Variants in STK35 observed in about 807,000 individuals in gnomAD.
STK35 encodes serine/threonine kinase 35, also known as serine/threonine-protein kinase 35.
In STK35, 17 loss-of-function variants were observed where a neutral mutation model predicts 37.3. The observed-to-expected ratio is 0.46, with a 90% confidence interval of 0.31 to 0.68. STK35 has a LOEUF of 0.68. STK35 is among the 30% of genes least tolerant of loss of function. The probability of loss-of-function intolerance (pLI) is 0.05; values close to 1 mark genes in which losing one functional copy is unlikely to be tolerated. For missense variants in STK35, 595 were observed against 746.7 expected (o/e 0.80, Z 2.37); for synonymous variants, 385 against 319.1 (o/e 1.21, Z -2.20).
rs1045978389 is a variant in STK35 at position 2,147,408 on chromosome 20, G to A, written c.*3662G>A. 6.6e-6 allele frequency: 1 copy of A among 152,648 alleles called. No individual in the cohort carries two copies. The allele number at this position is 152,648 out of a possible 1,614,324, so 9.5% of individuals were successfully genotyped here. A position where few individuals can be genotyped will look rare whatever the true frequency, so the allele number is the denominator to read the frequency against. On this transcript the variant is annotated 3_prime_UTR_variant, in exon 4 of 4. Transcript: ENST00000381482. ...GAATCTTTTTCTAAGAGAAGGAAAA[G>A]AGCTGGCATTGTGGGAATTTTCTTT...
chr20:2,127,362 C>G (rs1985924307), intron 3 of STK35, among the ~76,000 whole-genome samples: 1 of 151,704 alleles, frequency 6.6e-6, no homozygotes, highest in South Asian at 2.1e-4. Context: ...ATAGTGTTGT[C>G]AGATCTTGGC....
chr20:2,143,146 G>A (rs1236952423), intron 3 of STK35, among the ~76,000 whole-genome samples: 2 of 152,146 alleles, frequency 1.3e-5, no homozygotes, highest in Admixed American at 6.5e-5. Flanking sequence ...TCAGTTGCCC[G>A]TTCTGGCTCC....
chr20:2,106,399 G>A (rs1226846845), intron 2 of STK35, among the ~76,000 whole-genome samples: 1 of 152,172 alleles, frequency 6.6e-6, no homozygotes, highest in Non-Finnish European at 1.5e-5. Context: ...TAAACCTAAT[G>A]CTGAGTCCCT....
intron 3 of STK35, among the ~76,000 whole-genome samples, chr20:2,143,032 C>T (rs1229228562): frequency 3.9e-5 from 6 of 152,204 alleles, no homozygotes; most frequent in Non-Finnish European, 7.3e-5. Flanking sequence ...CTTGGTTTTA[C>T]GTTCATTTAA....
In STK35 at chr20:2,101,919, C is replaced by A. The variant is rs1474295447; in HGVS notation, c.38C>A (p.Ala13Glu). Reference protein sequence around the residue: ...HQESPLARAPAGGAAYVKRLC... With the variant: ...HQESPLARAPEGGAAYVKRLC... ...GAGTCTCCGCTGGCCCGGGCGCCGG[C>A]GGGAGGTGCAGCTTATGTAAAGAGG... Residue 13 changes from alanine (A) to glutamate (E), a missense_variant, in exon 1 of 4, where the codon GCG becomes GAG. Ala to Glu is a moderately radical substitution (Grantham distance 107). Coordinates refer to ENST00000381482, the MANE Select transcript of STK35 (RefSeq NM_080836.4). 1.4e-6 allele frequency: 2 copies of A among 1,465,144 alleles called. No individual in the cohort carries two copies. Among genetic ancestry groups the A allele is most frequent in the African/African-American group, 1.5e-5 (1 of 68,660 alleles). 90.8% of individuals were successfully genotyped at this position (1,465,144 alleles called of 1,614,324 possible).
chr20:2,114,287 A>G (rs769418087), intron 2 of STK35, among the ~76,000 whole-genome samples: 23 of 152,004 alleles, frequency 1.5e-4, no homozygotes, highest in Non-Finnish European at 2.8e-4. Flanking sequence ...AGCTGGGACT[A>G]TTGAGGCCAC....
At chr20:2,127,715 A>G (rs901673622) in intron 3 of STK35, among the ~76,000 whole-genome samples, 10 of 152,120 alleles carry the variant, frequency 6.6e-5, no homozygotes, top group Non-Finnish European at 1.3e-4. Flanking sequence ...AAAAGCCTTC[A>G]GAGAGCACAT....
intron 3 of STK35, among the ~76,000 whole-genome samples, chr20:2,121,778 T>A (rs1236179275): frequency 6.6e-6 from 1 of 152,160 alleles, no homozygotes; most frequent in African/African-American, 2.4e-5. Flanking sequence ...TGGCATCATC[T>A]GCTAGTTGAT....
chr20:2,123,065 C>G (rs554111324), intron 3 of STK35, among the ~76,000 whole-genome samples: 1 of 152,302 alleles, frequency 6.6e-6, no homozygotes, highest in East Asian at 1.9e-4. Context: ...TGCCTCCGCC[C>G]ACGTGTTACC....
At chr20:2,110,942 A>T (rs1209096673) in intron 2 of STK35, among the ~76,000 whole-genome samples, 3 of 152,204 alleles carry the variant, frequency 2.0e-5, no homozygotes, top group African/African-American at 7.2e-5. Flanking sequence ...AAGTTACTTA[A>T]TCTTTTGCTC....
intron 3 of STK35, among the ~76,000 whole-genome samples, chr20:2,132,200 T>C (rs1304206128): frequency 6.6e-6 from 1 of 152,212 alleles, no homozygotes; most frequent in East Asian, 1.9e-4. Context: ...AGAGTTCATC[T>C]GAGCAAATCC....
intron 2 of STK35, among the ~76,000 whole-genome samples, chr20:2,108,816 G>A (rs1053418790): frequency 2.8e-4 from 43 of 152,144 alleles, no homozygotes; most frequent in African/African-American, 8.2e-4. Context: ...ATAAACTCTC[G>A]AGGGGTGCTT....
At chr20:2,110,440 T>G (rs1179172581) in intron 2 of STK35, among the ~76,000 whole-genome samples, 1 of 152,238 alleles carries the variant, frequency 6.6e-6, no homozygotes. Flanking sequence ...TTCAGCCAAT[T>G]GGTATTACCA....
At chr20:2,129,035 G>A (rs1292979767) in intron 3 of STK35, among the ~76,000 whole-genome samples, 2 of 152,112 alleles carry the variant, frequency 1.3e-5, no homozygotes, top group East Asian at 3.9e-4. Flanking sequence ...ATGTTGGCCA[G>A]GATGGTCTCA....
In STK35 at chr20:2,101,907, C is replaced by A; in HGVS notation, c.26C>A (p.Ala9Asp). 1 of 1,461,040 alleles carries A rather than the reference C, an allele frequency of 6.8e-7. No homozygotes were observed. The highest frequency in any genetic ancestry group is 1.3e-5 in the South Asian group (1 of 76,614). The allele number at this position is 1,461,040 out of a possible 1,614,324, so 90.5% of individuals were successfully genotyped here. ...ATGGGCCACCAGGAGTCTCCGCTGG[C>A]CCGGGCGCCGGCGGGAGGTGCAGCT... MGHQESPL[A>D]RAPAGGAAYV... is the part of the protein sequence containing the mutation. The change falls in exon 1 of 4, where the codon GCC (alanine) becomes GAC (aspartate). Residue 9 changes from alanine (A) to aspartate (D), a missense_variant. Physicochemically the swap from Ala to Asp is moderately radical, Grantham distance 126. Around this residue, in one of 3 missense-constraint regions of STK35, gnomAD observed 389 missense variants for 320.0 expected, o/e 1.22. Transcript: ENST00000381482.
chr20:2,136,333 C>A (rs1278922494), intron 3 of STK35, among the ~76,000 whole-genome samples: 3 of 152,216 alleles, frequency 2.0e-5, no homozygotes, highest in African/African-American at 7.2e-5. Flanking sequence ...AATCTGTAAT[C>A]CCTGCATGCC....
At chr20:2,137,196 A>G (rs756028596) in intron 3 of STK35, among the ~76,000 whole-genome samples, 1 of 152,192 alleles carries the variant, frequency 6.6e-6, no homozygotes, top group Non-Finnish European at 1.5e-5. Flanking sequence ...ACCTCACTCC[A>G]CCTGCTATGT....
chr20:2,103,487 C>T (rs1985450047), intron 2 of STK35, 122 bp downstream of exon 2: 3 of 885,820 alleles, frequency 3.4e-6, no homozygotes, highest in East Asian at 5.6e-5. Context: ...ACCCTGTGCC[C>T]TGACACACCC....
At position 2,121,419 on chromosome 20, in the gene STK35, A is replaced by T. The variant is rs1043483829; in HGVS notation, c.*37+4004A>T. Among the ~76,000 whole-genome samples the T allele has an allele frequency of 7.9e-5, 12 of 152,318 alleles. No individual in the cohort carries two copies. In the East Asian group the frequency reaches 2.3e-3, roughly 29 times the overall value. Reference sequence around the variant, plus strand: ...GAGAAAGGAATTAATCATCACTTCAAGGTGTCAGCCTAAGTGATGGGAAGA... The same window carrying T: ...GAGAAAGGAATTAATCATCACTTCATGGTGTCAGCCTAAGTGATGGGAAGA... On this transcript the variant is annotated intron_variant, in intron 3 of 3. Transcript: ENST00000381482.
Sources: gnomAD v4.1 joint callset for allele counts (sites outside exome capture counted in the v4.1 genomes callset) on GRCh38, gnomAD v4.1.1 for gene constraint, gnomAD v4.1.1 regional missense constraint, MANE v1.5 for transcripts, NCBI Gene and HGNC (gene_info 2026-07-23, HGNC 2026-07-21) for gene names.